The following AMPH variants were observed in gnomAD, a reference collection of about 807,000 sequenced individuals.
The protein encoded by AMPH is amphiphysin.
Under a neutral mutation model 99.1 loss-of-function variants are expected in AMPH, and 49 were observed. The ratio of observed to expected loss-of-function variants is 0.49; its 90% CI spans 0.39 to 0.63. The LOEUF is 0.63. Among genes scored for constraint, AMPH ranks in the 20% least tolerant of loss-of-function variants. AMPH has a pLI of 0.00. For synonymous variants in AMPH, 314 were observed against 317.3 expected (o/e 0.99, Z 0.11); for missense variants, 759 against 863.4 (o/e 0.88, Z 1.52).
At chr7:38,619,743 C>T (rs530512230) in intron 1 of AMPH, among the ~76,000 whole-genome samples, 3 of 152,280 alleles carry the variant, frequency 2.0e-5, no homozygotes, top group African/African-American at 7.2e-5. Context: ...AATATACATC[C>T]CCAGGAGAGC....
intron 7 of AMPH, among the ~76,000 whole-genome samples, chr7:38,472,137 A>G (rs1195302852): frequency 1.3e-5 from 2 of 152,134 alleles, no homozygotes; most frequent in African/African-American, 4.8e-5. Context: ...ATTCCACTCA[A>G]CATTCTGAAG....
intron 1 of AMPH, among the ~76,000 whole-genome samples, chr7:38,556,462 G>A (rs1562825158): frequency 1.3e-5 from 2 of 152,158 alleles, no homozygotes; most frequent in South Asian, 2.1e-4. Flanking sequence ...TGTGCCTGAC[G>A]GGCTCACTCA....
chr7:38,465,427 A>T, intron 9 of AMPH, 40 bp downstream of exon 9: 1 of 1,528,180 alleles, frequency 6.5e-7, no homozygotes, highest in South Asian at 1.2e-5. Context: ...AAATTTTAGC[A>T]AGCAGGACAT....
At chr7:38,571,909 T>C (rs1045554945) in intron 1 of AMPH, among the ~76,000 whole-genome samples, 6 of 7,616 alleles carry the variant, frequency 7.9e-4, no homozygotes, top group Non-Finnish European at 2.2e-3. Flanking sequence ...CACGTTTATC[T>C]TTTTTTTTTT....
At chr7:38,466,076 T>A (rs544519515) in intron 8 of AMPH, 97 bp downstream of exon 8, 57 of 961,504 alleles carry the variant, frequency 5.9e-5, no homozygotes, top group Non-Finnish European at 8.9e-5. Context: ...TACAAAAGGG[T>A]GAATTCTTTG....
chr7:38,471,085 G>A (rs924354058), intron 7 of AMPH, among the ~76,000 whole-genome samples: 2 of 152,064 alleles, frequency 1.3e-5, no homozygotes, highest in African/African-American at 4.8e-5. Context: ...CACACAGTAG[G>A]TGGTCAATAA....
chr7:38,571,806 G>T (rs1167840857), intron 1 of AMPH, among the ~76,000 whole-genome samples: 1 of 151,798 alleles, frequency 6.6e-6, no homozygotes, highest in Non-Finnish European at 1.5e-5. Flanking sequence ...GTCATGTGCT[G>T]CCCTAGGCCT....
At chr7:38,580,591 C>T (rs1326518931) in intron 1 of AMPH, among the ~76,000 whole-genome samples, 1 of 152,046 alleles carries the variant, frequency 6.6e-6, no homozygotes, top group African/African-American at 2.4e-5. Flanking sequence ...GCCCACTTTC[C>T]TCAGCCTGTG....
At chr7:38,631,181 G>T in intron 1 of AMPH, 102 bp downstream of exon 1, 1 of 1,045,654 alleles carries the variant, frequency 9.6e-7, no homozygotes, top group Non-Finnish European at 1.2e-6. Flanking sequence ...TCCGCAGCGC[G>T]CCGCACCCCG....
chr7:38,392,202 C>T (rs1784522266), intron 18 of AMPH, among the ~76,000 whole-genome samples, 185 bp from the exon 19 acceptor site: 1 of 152,016 alleles, frequency 6.6e-6, no homozygotes, highest in Non-Finnish European at 1.5e-5. Flanking sequence ...CTCCTGAGGC[C>T]TAAACCCTTA....
intron 7 of AMPH, among the ~76,000 whole-genome samples, chr7:38,467,942 G>C (rs1787729528): frequency 6.6e-6 from 1 of 152,144 alleles, no homozygotes; most frequent in Non-Finnish European, 1.5e-5. Context: ...AGGTGTGTAA[G>C]CTGAACTTCA....
chr7:38,569,729 A>T (rs570300182), intron 1 of AMPH, among the ~76,000 whole-genome samples: 1 of 152,292 alleles, frequency 6.6e-6, no homozygotes, highest in African/African-American at 2.4e-5. Context: ...GTATAAACAG[A>T]GTAATCCGTG....
intron 18 of AMPH, among the ~76,000 whole-genome samples, chr7:38,393,014 C>T (rs960144977): frequency 6.6e-6 from 1 of 152,150 alleles, no homozygotes; most frequent in Non-Finnish European, 1.5e-5. Flanking sequence ...ATCAGCAGAA[C>T]GGGAGTCTTT....
At chr7:38,620,548 TACACAC>T (rs201765719) in intron 1 of AMPH, among the ~76,000 whole-genome samples, 10,037 of 133,006 alleles carry the variant, frequency 0.075, 559 homozygotes, top group African/African-American at 0.17. Context: ...TATACATACA[TACACAC>T]ACACACACAC....
chr7:38,448,215 G>A (rs78572470), intron 11 of AMPH, among the ~76,000 whole-genome samples: 1 of 152,336 alleles, frequency 6.6e-6, no homozygotes, highest in East Asian at 1.9e-4. Flanking sequence ...TACAGTTAAT[G>A]TGAGTCATAT....
chr7:38,465,777 C>T (rs1584127836), intron 8 of AMPH, among the ~76,000 whole-genome samples: 1 of 152,178 alleles, frequency 6.6e-6, no homozygotes, highest in East Asian at 1.9e-4. Flanking sequence ...TATTTATTAA[C>T]CAGAGTACAG....
At position 38,559,430 on chromosome 7, in the gene AMPH, G is replaced by A. The variant is rs1418713116; in HGVS notation, c.70-24419C>T. Among the ~76,000 whole-genome samples, 7 of 152,204 alleles carry A rather than the reference G, an allele frequency of 4.6e-5. No homozygotes were observed. In the South Asian group the frequency reaches 8.3e-4, roughly 18 times the overall value. On this transcript the variant is annotated intron_variant, in intron 1 of 20. Transcript: ENST00000356264. Reference sequence around the variant, plus strand: ...GAAAGTCAGGCACACTGGGTTTCCCGATGGAATGGGGAGCCAGGGATCCCA... The same window carrying A: ...GAAAGTCAGGCACACTGGGTTTCCCAATGGAATGGGGAGCCAGGGATCCCA...
intron 16 of AMPH, among the ~76,000 whole-genome samples, chr7:38,420,161 T>C (rs1371406127): frequency 1.3e-5 from 2 of 152,180 alleles, no homozygotes; most frequent in East Asian, 1.9e-4. Flanking sequence ...TCCAGGAGGA[T>C]AGTATAGCTC....
At chr7:38,609,402 A>C (rs1793545548) in intron 1 of AMPH, among the ~76,000 whole-genome samples, 1 of 152,046 alleles carries the variant, frequency 6.6e-6, no homozygotes, top group African/African-American at 2.4e-5. Context: ...ATACCTAGAA[A>C]TCCTCCTGCC....
Sources: allele counts gnomAD v4.1 joint callset (sites outside exome capture counted in the v4.1 genomes callset), GRCh38; gene constraint gnomAD v4.1.1; transcripts MANE v1.5; gene names NCBI Gene and HGNC (gene_info 2026-07-23, HGNC 2026-07-21).